The following DNM1L variants were observed in gnomAD, a reference collection of about 807,000 sequenced individuals.
DNM1L encodes the protein dynamin 1L.
A neutral mutation model predicts 92.8 loss-of-function variants in DNM1L; 33 were observed. The ratio of observed to expected loss-of-function variants is 0.36; its 90% CI spans 0.27 to 0.48. DNM1L has a LOEUF of 0.48. DNM1L is among the 20% of genes least tolerant of loss of function. The probability of loss-of-function intolerance (pLI) is 0.99; values close to 1 mark genes in which losing one functional copy is unlikely to be tolerated. For synonymous variants in DNM1L, 284 were observed against 305.0 expected (o/e 0.93, Z 0.72); for missense variants, 485 against 888.8 (o/e 0.55, Z 5.78).
At chr12:32,719,080 A>G (rs934444534) in intron 7 of DNM1L, among the ~76,000 whole-genome samples, 2 of 151,782 alleles carry the variant, frequency 1.3e-5, no homozygotes, top group African/African-American at 4.8e-5. Flanking sequence ...CCTTTCAAGT[A>G]GCTGAGACTA....
In DNM1L at chr12:32,719,190, A is replaced by G. The variant is rs965145470; in HGVS notation, c.740+427A>G. ...TGTCTCGACTTCCTGGGCTCAAGCA[A>G]TCCTCCAACCTTGGTTTCCCAGGTG... is the stretch of plus-strand genomic sequence containing the variant. On this transcript the variant is annotated intron_variant, in intron 7 of 19. Coordinates refer to ENST00000549701, the MANE Select transcript of DNM1L (RefSeq NM_012062.5). Among the ~76,000 whole-genome samples, 6 of 152,040 alleles carry G rather than the reference A, an allele frequency of 3.9e-5. No individual in the cohort carries two copies. The South Asian group carries it at 8.3e-4, about 21-fold the overall frequency.
At chr12:32,690,623 C>A (rs1280593353) in intron 1 of DNM1L, among the ~76,000 whole-genome samples, 1 of 152,064 alleles carries the variant, frequency 6.6e-6, no homozygotes, top group East Asian at 1.9e-4. Context: ...TATATCTGGG[C>A]AAGTTACATA....
At chr12:32,714,836 A>AC (rs1953291345) in intron 6 of DNM1L, among the ~76,000 whole-genome samples, 1 of 150,862 alleles carries the variant, frequency 6.6e-6, no homozygotes, top group South Asian at 2.1e-4. Context: ...AAAAAAAAAA[A>AC]ACCACAAAAA....
In DNM1L at chr12:32,743,513, G is replaced by C; in HGVS notation, c.*103G>C. 2.7e-6 allele frequency: 3 copies of C among 1,121,456 alleles called. No homozygotes were observed. The highest frequency in any genetic ancestry group is 4.0e-6 in the Non-Finnish European group (3 of 748,936). 69.5% of individuals were successfully genotyped at this position (1,121,456 alleles called of 1,614,324 possible). A position where few individuals can be genotyped will look rare whatever the true frequency, so the allele number is the denominator to read the frequency against. Reference sequence around the variant, plus strand: ...GAACTCCTGTGTATTGCAATGGTATGAATCTGCTCATGTGGAGACTGGCTA... The same window carrying C: ...GAACTCCTGTGTATTGCAATGGTATCAATCTGCTCATGTGGAGACTGGCTA... On this transcript the variant is annotated 3_prime_UTR_variant, in exon 20 of 20. Coordinates refer to ENST00000549701, the MANE Select transcript of DNM1L (RefSeq NM_012062.5).
At chr12:32,739,036 A>G (rs921704976) in intron 16 of DNM1L, among the ~76,000 whole-genome samples, 1 of 152,194 alleles carries the variant, frequency 6.6e-6, no homozygotes, top group African/African-American at 2.4e-5. Context: ...TTCATTTGGT[A>G]TGTCATTCAT....
intron 9 of DNM1L, chr12:32,727,088 G>A: frequency 1.4e-6 from 1 of 725,104 alleles, no homozygotes; most frequent in Non-Finnish European, 2.6e-6. Flanking sequence ...TTTCTTCATC[G>A]TTTTTCTCAT....
At chr12:32,692,109 C>A (rs1179167347) in intron 1 of DNM1L, among the ~76,000 whole-genome samples, 3 of 152,114 alleles carry the variant, frequency 2.0e-5, no homozygotes, top group Admixed American at 2.0e-4. Flanking sequence ...TTCATTCATA[C>A]TATAACCATT....
chr12:32,704,278 G>C (rs1157209606), intron 2 of DNM1L, among the ~76,000 whole-genome samples: 1 of 152,032 alleles, frequency 6.6e-6, no homozygotes, highest in Non-Finnish European at 1.5e-5. Context: ...GGCCGGGCGC[G>C]GTGGCTCACG....
At chr12:32,726,354 A>G in intron 9 of DNM1L, 1 of 1,565,188 alleles carries the variant, frequency 6.4e-7, no homozygotes. Flanking sequence ...AGTGCAGGTT[A>G]TCCTCAAGGC....
rs1955522956 is a variant in DNM1L, at chr12:32,744,575, T to TCCC, written c.*1165_*1166insCCC. On this transcript the variant is annotated 3_prime_UTR_variant, in exon 20 of 20. Coordinates refer to ENST00000549701, the MANE Select transcript of DNM1L (RefSeq NM_012062.5). ...CTAAAAATACAAAATTGGCCGGGCGTGGTGGCGCATGCCTGTAATCCCAGC... is the reference window on the plus strand; with the variant it reads ...CTAAAAATACAAAATTGGCCGGGCGTCCCGGTGGCGCATGCCTGTAATCCCAGC... 1 of 210,572 alleles carries TCCC rather than the reference T, an allele frequency of 4.7e-6. No individual in the cohort carries two copies. Among genetic ancestry groups the TCCC allele is most frequent in the Non-Finnish European group, 9.5e-6 (1 of 105,664 alleles). 13.0% of individuals were successfully genotyped at this position (210,572 alleles called of 1,614,324 possible). A position where few individuals can be genotyped will look rare whatever the true frequency, so the allele number is the denominator to read the frequency against.
At position 32,696,991 on chromosome 12, in the gene DNM1L, G is replaced by C. The variant is rs186777779; in HGVS notation, c.103-4424G>C. ...TCCTTTCTCCTATGACAGTAGGGAGGCCAAGGTGGGCGGATCACTTTGAGG... is the reference window on the plus strand; with the variant it reads ...TCCTTTCTCCTATGACAGTAGGGAGCCCAAGGTGGGCGGATCACTTTGAGG... On this transcript the variant is annotated intron_variant, in intron 1 of 19. Coordinates refer to ENST00000549701, the MANE Select transcript of DNM1L (RefSeq NM_012062.5). Among the ~76,000 whole-genome samples the C allele has an allele frequency of 8.4e-3, 1,259 of 150,728 alleles. 5 individuals are homozygous for C. The highest frequency in any genetic ancestry group is 0.034 in the South Asian group (162 of 4,726).
intron 1 of DNM1L, among the ~76,000 whole-genome samples, chr12:32,696,364 C>G (rs1307779474): frequency 2.2e-5 from 3 of 136,708 alleles, no homozygotes; most frequent in African/African-American, 8.3e-5. Context: ...TAGTGAGACC[C>G]TGTCTACACA....
intron 4 of DNM1L, among the ~76,000 whole-genome samples, chr12:32,708,763 GAAGT>G (rs1953018354): frequency 2.6e-5 from 4 of 151,996 alleles, no homozygotes; most frequent in Admixed American, 2.6e-4. Flanking sequence ...GTGAGAATGT[GAAGT>G]AAGTTATGTA....
At position 32,717,363 on chromosome 12, in the gene DNM1L, A is replaced by T. The variant is rs1239396083; in HGVS notation, c.620-1280A>T. 1.1e-4 allele frequency among the ~76,000 whole-genome samples: 8 copies of T among 74,038 alleles called. 1 individual carries two copies. Among genetic ancestry groups the T allele is most frequent in the African/African-American group, 4.6e-4 (8 of 17,308 alleles). 48.6% of individuals were successfully genotyped at this position (74,038 alleles called of 152,430 possible). Reference sequence around the variant, plus strand: ...ATACTATATATTATATATAGTATATATAATATATATACTATATATAATATA... The same window carrying T: ...ATACTATATATTATATATAGTATATTTAATATATATACTATATATAATATA... On this transcript the variant is annotated intron_variant, in intron 6 of 19. Coordinates refer to ENST00000549701, the MANE Select transcript of DNM1L (RefSeq NM_012062.5).
At chr12:32,685,646 A>C (rs1330206230) in intron 1 of DNM1L, among the ~76,000 whole-genome samples, 1 of 152,000 alleles carries the variant, frequency 6.6e-6, no homozygotes, top group Non-Finnish European at 1.5e-5. Flanking sequence ...TACAGGCGTG[A>C]GCTGCTGCGC....
chr12:32,694,951 T>A (rs1304913654), intron 1 of DNM1L, among the ~76,000 whole-genome samples: 1 of 152,116 alleles, frequency 6.6e-6, no homozygotes, highest in Non-Finnish European at 1.5e-5. Context: ...GTGAAAGGGA[T>A]CAGTTGTAAA....
chr12:32,742,130 A>G (rs1228300264), intron 18 of DNM1L, among the ~76,000 whole-genome samples: 2 of 151,794 alleles, frequency 1.3e-5, no homozygotes, highest in African/African-American at 4.8e-5. Flanking sequence ...TTTGAGACAC[A>G]GTCTCACTCT....
chr12:32,690,844 T>C (rs1194713160), intron 1 of DNM1L, among the ~76,000 whole-genome samples: 1 of 152,172 alleles, frequency 6.6e-6, no homozygotes, highest in East Asian at 1.9e-4. Context: ...AATGTTCTTA[T>C]TTTCATGTAC....
intron 1 of DNM1L, among the ~76,000 whole-genome samples, chr12:32,684,477 C>CTTTTTTTTTTTTTTTTTTTTT (rs768276200): frequency 6.8e-6 from 1 of 146,094 alleles, no homozygotes; most frequent in African/African-American, 2.5e-5. Flanking sequence ...CAACATAATT[C>CTTTTTTTTTTTTTTTTTTTTT]TTTTTTTTTT....
Sources: allele counts gnomAD v4.1 joint callset (sites outside exome capture counted in the v4.1 genomes callset), GRCh38; gene constraint gnomAD v4.1.1; transcripts MANE v1.5; gene names NCBI Gene and HGNC (gene_info 2026-07-23, HGNC 2026-07-21).